The following IL1RAPL1 variants were observed in gnomAD, a reference collection of about 807,000 sequenced individuals.
IL1RAPL1 encodes interleukin-1 receptor accessory protein-like 1.
A neutral mutation model predicts 48.4 loss-of-function variants in IL1RAPL1; 3 were observed. The observed-to-expected ratio is 0.06, with a 90% confidence interval of 0.03 to 0.16. The LOEUF (loss-of-function observed/expected upper bound fraction) is 0.16, where lower values mean the gene tolerates loss of function less well. IL1RAPL1 is among the 10% of genes least tolerant of loss of function. The pLI, the probability that IL1RAPL1 is intolerant of heterozygous loss-of-function variation, is 1.00. For synonymous variants in IL1RAPL1, 185 were observed against 187.7 expected, an observed-to-expected ratio of 0.99 and a Z score of 0.12; for missense variants, 349 against 530.6, an observed-to-expected ratio of 0.66 and a Z score of 3.36.
At chrX:28,786,243 T>C (rs1356964536) in intron 1 of IL1RAPL1, among the ~76,000 whole-genome samples, 1 of 111,547 alleles carries the variant, frequency 9.0e-6, no homozygotes, top group Admixed American at 9.6e-5. Flanking sequence ...GGCAGGCAGA[T>C]CAGTTGAGGT....
intron 2 of IL1RAPL1, among the ~76,000 whole-genome samples, chrX:29,102,255 G>T (rs959326090): frequency 7.1e-5 from 8 of 112,245 alleles, no homozygotes; most frequent in Admixed American, 4.7e-4. Context: ...TTTCCTCTAA[G>T]ATCTGGAACA....
chrX:29,151,988 A>G (rs1316563066), intron 2 of IL1RAPL1, among the ~76,000 whole-genome samples: 2 of 111,931 alleles, frequency 1.8e-5, no homozygotes, highest in Non-Finnish European at 3.8e-5. Context: ...TCATGCTGCT[A>G]TGAAGAAATA....
chrX:28,900,899 C>T, intron 2 of IL1RAPL1, among the ~76,000 whole-genome samples: 2 of 111,905 alleles, frequency 1.8e-5, no homozygotes, highest in Admixed American at 1.9e-4. Context: ...AAATCACTAA[C>T]TTACTGTAAG....
chrX:29,480,285 C>CATAT lies in IL1RAPL1; in HGVS notation c.703+80979_703+80982dup, dbSNP rs1180845228. Among the ~76,000 whole-genome samples the CATAT allele has an allele frequency of 5.2e-3, 293 of 56,637 alleles. 6 individuals are homozygous for CATAT. Among genetic ancestry groups the CATAT allele is most frequent in the African/African-American group, 0.029 (275 of 9,617 alleles). The allele number at this position is 56,637 out of a possible 115,157, so 49.2% of individuals were successfully genotyped here. A position where few individuals can be genotyped will look rare whatever the true frequency, so the allele number is the denominator to read the frequency against. On this transcript the variant is annotated intron_variant, in intron 5 of 10. Coordinates refer to ENST00000378993, the MANE Select transcript of IL1RAPL1 (RefSeq NM_014271.4). The stretch of plus-strand genomic sequence containing the variant: ...GAAGCATGATATATGTATACACACA[C>CATAT]ATATACATATATATATATATATATA...
chrX:29,691,334 T>C (rs12013131), intron 6 of IL1RAPL1, among the ~76,000 whole-genome samples: 1,816 of 111,593 alleles, frequency 0.016, 34 homozygotes, highest in African/African-American at 0.054. Flanking sequence ...CACTTGTCTG[T>C]TGGGCAAGGA....
intron 1 of IL1RAPL1, among the ~76,000 whole-genome samples, chrX:28,665,870 A>G (rs1934871470): frequency 8.9e-6 from 1 of 112,003 alleles, no homozygotes; most frequent in Non-Finnish European, 1.9e-5. Context: ...GATTATTCCT[A>G]TATCCCTAAA....
intron 2 of IL1RAPL1, among the ~76,000 whole-genome samples, chrX:29,194,252 GT>G (rs1930402726): frequency 1.8e-5 from 2 of 112,347 alleles, no homozygotes; most frequent in South Asian, 3.6e-4. Context: ...TAAATGCTTT[GT>G]TTTTTTCTCA....
intron 5 of IL1RAPL1, among the ~76,000 whole-genome samples, chrX:29,628,339 T>C (rs1416127152): frequency 2.7e-5 from 3 of 112,130 alleles, no homozygotes; most frequent in African/African-American, 6.5e-5. Context: ...TTTCCTGACA[T>C]GTGTCTTCTT....
chrX:29,125,250 A>G (rs1928875193), intron 2 of IL1RAPL1, among the ~76,000 whole-genome samples: 1 of 112,381 alleles, frequency 8.9e-6, no homozygotes, highest in African/African-American at 3.2e-5. Flanking sequence ...TCTAACACTG[A>G]TAATTATATC....
At chrX:29,731,101 C>T (rs1033812848) in intron 6 of IL1RAPL1, among the ~76,000 whole-genome samples, 2 of 112,173 alleles carry the variant, frequency 1.8e-5, no homozygotes, top group Non-Finnish European at 3.8e-5. Flanking sequence ...TTGCTACCAA[C>T]GTTTTCATTC....
At chrX:29,240,224 ATTTTTTTTT>A (rs55639151) in intron 2 of IL1RAPL1, among the ~76,000 whole-genome samples, 1 of 13,346 alleles carries the variant, frequency 7.5e-5, no homozygotes, top group African/African-American at 4.0e-4. Context: ...ATATATATAT[ATTTTTTTTT>A]TTTTTTTTTT....
intron 1 of IL1RAPL1, among the ~76,000 whole-genome samples, chrX:28,744,918 T>C (rs986544044): frequency 2.7e-5 from 3 of 110,915 alleles, no homozygotes; most frequent in African/African-American, 9.8e-5. Context: ...AGGAGACTTA[T>C]TAAAGGCAAT....
At chrX:29,815,661 C>T (rs947532680) in intron 6 of IL1RAPL1, among the ~76,000 whole-genome samples, 3 of 110,632 alleles carry the variant, frequency 2.7e-5, no homozygotes, top group African/African-American at 9.9e-5. Context: ...TGTTCCTGTT[C>T]TTAGGATATA....
chrX:28,727,552 C>T (rs1228616910), intron 1 of IL1RAPL1, among the ~76,000 whole-genome samples: 4 of 105,897 alleles, frequency 3.8e-5, no homozygotes, highest in Non-Finnish European at 7.7e-5. Context: ...ATTGCCCTGG[C>T]CAGAACTTCC....
At chrX:29,013,339 A>T (rs1415115057) in intron 2 of IL1RAPL1, among the ~76,000 whole-genome samples, 2 of 112,180 alleles carry the variant, frequency 1.8e-5, no homozygotes, top group African/African-American at 6.5e-5. Context: ...AAGAAATGCC[A>T]TTTAACCAAG....
At chrX:29,341,568 C>G (rs971115853) in intron 3 of IL1RAPL1, among the ~76,000 whole-genome samples, 3 of 110,779 alleles carry the variant, frequency 2.7e-5, no homozygotes, top group East Asian at 5.7e-4. Context: ...CAATGAAAAG[C>G]CAGTGAGGAT....
At chrX:29,547,460 T>C (rs985398140) in intron 5 of IL1RAPL1, among the ~76,000 whole-genome samples, 2 of 111,429 alleles carry the variant, frequency 1.8e-5, no homozygotes, top group Non-Finnish European at 3.8e-5. Flanking sequence ...TTTTTCAAAA[T>C]GATTCTCAAA....
chrX:29,614,563 T>TGAG (rs1924219612), intron 5 of IL1RAPL1, among the ~76,000 whole-genome samples: 2 of 111,866 alleles, frequency 1.8e-5, no homozygotes, highest in African/African-American at 6.5e-5. Flanking sequence ...CATTCTGTCT[T>TGAG]TAGTTAAAAA....
chrX:29,789,780 C>CTTTTTTTT, intron 6 of IL1RAPL1, among the ~76,000 whole-genome samples: 1 of 81,887 alleles, frequency 1.2e-5, no homozygotes, highest in South Asian at 6.3e-4. Context: ...TCATGAGTTT[C>CTTTTTTTT]TTTTTTTTTT....
Sources: allele counts gnomAD v4.1 joint callset (sites outside exome capture counted in the v4.1 genomes callset), GRCh38; gene constraint gnomAD v4.1.1; transcripts MANE v1.5; gene names NCBI Gene and HGNC (gene_info 2026-07-23, HGNC 2026-07-21).